Variants in CAND1 observed in about 807,000 individuals in gnomAD.
The protein encoded by CAND1 is cullin-associated NEDD8-dissociated protein 1.
In CAND1, 7 loss-of-function variants were observed where a neutral mutation model predicts 108.5. The ratio of observed to expected loss-of-function variants is 0.06; its 90% CI spans 0.04 to 0.12. The LOEUF is 0.12. Among genes scored for constraint, CAND1 ranks in the 10% least tolerant of loss-of-function variants. CAND1 has a pLI of 1.00. For synonymous variants in CAND1, 534 were observed against 512.0 expected (o/e 1.04, Z -0.58); for missense variants, 941 against 1,448.7 (o/e 0.65, Z 5.69).
rs764432275 is a variant in CAND1 at position 67,309,957 on chromosome 12, G to A, written c.3082G>A (p.Val1028Ile). Residue 1028 changes from valine to isoleucine, a missense_variant, in exon 12 of 15, where the codon GTC becomes ATC. Coordinates refer to ENST00000545606, the MANE Select transcript of CAND1 (RefSeq NM_018448.5). ...TTTGAATGTGAGAAGAGTAGCCTTG[G>A]TCACATTTAATTCAGCAGCACATAA... ...PDLNVRRVAL[V>I]TFNSAAHNKP... 2 of 1,612,476 alleles carry A rather than the reference G, an allele frequency of 1.2e-6. No homozygotes were observed. The highest frequency in any genetic ancestry group is 1.7e-6 in the Non-Finnish European group (2 of 1,178,884).
intron 2 of CAND1, among the ~76,000 whole-genome samples, chr12:67,288,369 C>T (rs2044692461): frequency 6.6e-6 from 1 of 151,984 alleles, no homozygotes; most frequent in Admixed American, 6.6e-5. Context: ...CTCAAGTAAT[C>T]CACCCACCTC....
chr12:67,312,990 T>A lies in CAND1; in HGVS notation c.*160T>A. Reference sequence around the variant, plus strand: ...TTGTTTGGCTTTCTTCCATTGTTGTTTTTGTAGCATTTATTTCAGAAATGT... The same window carrying A: ...TTGTTTGGCTTTCTTCCATTGTTGTATTTGTAGCATTTATTTCAGAAATGT... On this transcript the variant is annotated 3_prime_UTR_variant, in exon 15 of 15. Coordinates refer to ENST00000545606, the MANE Select transcript of CAND1 (RefSeq NM_018448.5). The A allele has an allele frequency of 1.9e-6, 1 of 537,020 alleles. No individual in the cohort carries two copies. The highest frequency in any genetic ancestry group is 3.3e-6 in the Non-Finnish European group (1 of 305,268). 33.3% of individuals were successfully genotyped at this position (537,020 alleles called of 1,614,324 possible). A position where few individuals can be genotyped will look rare whatever the true frequency, so the allele number is the denominator to read the frequency against.
intron 3 of CAND1, chr12:67,293,176 A>C (rs1207394258): frequency 5.3e-6 from 1 of 189,724 alleles, no homozygotes; most frequent in Non-Finnish European, 1.1e-5. Flanking sequence ...TGTAAAATGT[A>C]ACACCATTCA....
At chr12:67,285,729 T>C (rs1328844935) in intron 2 of CAND1, among the ~76,000 whole-genome samples, 1 of 152,236 alleles carries the variant, frequency 6.6e-6, no homozygotes, top group Non-Finnish European at 1.5e-5. Flanking sequence ...ATTCACGTTT[T>C]ATTTACCATA....
At position 67,269,552 on chromosome 12, in the gene CAND1, G is replaced by A; in HGVS notation, c.-166G>A. The stretch of plus-strand genomic sequence containing the variant: ...AGGCCCACGCCTCGCCAGGGAGGGG[G>A]CAGCCCGTCGAGGCGCCTCCCTAGT... On this transcript the variant is annotated 5_prime_UTR_variant, in exon 1 of 15. Coordinates refer to ENST00000545606, the MANE Select transcript of CAND1 (RefSeq NM_018448.5). 1.7e-6 allele frequency: 1 copy of A among 585,730 alleles called. No individual in the cohort carries two copies. The allele number at this position is 585,730 out of a possible 1,614,324, so 36.3% of individuals were successfully genotyped here.
rs1259301877 is a variant in CAND1 at position 67,304,614 on chromosome 12, A to G, written c.1303A>G (p.Ile435Val). ...LTMLQSQVPNIVKALHKQMKE... is the reference protein window; with the variant it reads ...LTMLQSQVPNVVKALHKQMKE... ...TATATGATAATTGCAGGTTCCCAAC[A>G]TTGTTAAAGCTCTTCACAAACAGAT... The change falls in exon 9 of 15, where the codon ATT (isoleucine) becomes GTT (valine). Residue 435 changes from isoleucine to valine, a missense_variant. Ile to Val is a conservative substitution (Grantham distance 29, BLOSUM62 3). Around this residue, in one of 9 missense-constraint regions of CAND1, gnomAD observed 697 missense variants for 942.0 expected, o/e 0.74. Coordinates refer to ENST00000545606, the MANE Select transcript of CAND1 (RefSeq NM_018448.5). 1.2e-6 allele frequency: 2 copies of G among 1,613,456 alleles called. No individual in the cohort carries two copies. The highest frequency in any genetic ancestry group is 1.7e-6 in the Non-Finnish European group (2 of 1,179,824).
Position 67,297,581 on chromosome 12 carries a change from G to T in CAND1, c.666G>T (p.Leu222Phe). 1 of 1,613,984 alleles carries T rather than the reference G, an allele frequency of 6.2e-7. No homozygotes were observed. The highest frequency in any genetic ancestry group is 1.3e-5 in the African/African-American group (1 of 75,002). ...VDLIEHLLSE[L>F]SKNDSMSTTR... ...TTATTGAACATCTGTTGTCAGAGTTGTCCAAAAATGATTCTATGTCAACAA... is the reference window on the plus strand; with the variant it reads ...TTATTGAACATCTGTTGTCAGAGTTTTCCAAAAATGATTCTATGTCAACAA... Residue 222 changes from leucine (L) to phenylalanine (F), a missense_variant, in exon 5 of 15, where the codon TTG becomes TTT. This residue lies in a region of CAND1 where 697 missense variants were observed against 942.0 expected (regional missense o/e 0.74). Transcript: ENST00000545606.
intron 4 of CAND1, among the ~76,000 whole-genome samples, chr12:67,296,206 G>A (rs1425743411): frequency 2.6e-5 from 4 of 152,072 alleles, no homozygotes; most frequent in Admixed American, 6.6e-5. Context: ...ATTTAATCAC[G>A]AACACTGATT....
At chr12:67,312,399 A>G (rs1019945235) in intron 14 of CAND1, among the ~76,000 whole-genome samples, 3 of 152,100 alleles carry the variant, frequency 2.0e-5, no homozygotes, top group African/African-American at 7.2e-5. Context: ...TTCTGTTTTT[A>G]TAATGGGGCT....
At chr12:67,309,044 G>A (rs2044920882) in intron 11 of CAND1, among the ~76,000 whole-genome samples, 1 of 152,002 alleles carries the variant, frequency 6.6e-6, no homozygotes, top group South Asian at 2.1e-4. Context: ...TGAATACTTA[G>A]TGTGTACTAG....
At chr12:67,287,474 T>C (rs2044682279) in intron 2 of CAND1, among the ~76,000 whole-genome samples, 1 of 152,224 alleles carries the variant, frequency 6.6e-6, no homozygotes, top group Non-Finnish European at 1.5e-5. Context: ...CTTTCAACCA[T>C]GAACCATAGT....
intron 4 of CAND1, 64 bp from the exon 5 acceptor site, chr12:67,297,343 T>G: frequency 1.4e-6 from 2 of 1,444,918 alleles, no homozygotes; most frequent in Non-Finnish European, 1.9e-6. Flanking sequence ...GGCCAGACAT[T>G]TAGTAGTGGC....
rs1565734278 is a variant in CAND1, at chr12:67,318,409, A to C, written c.*5579A>C. 1 of 152,238 alleles carries C rather than the reference A, an allele frequency of 6.6e-6. No individual in the cohort carries two copies. The highest frequency in any genetic ancestry group is 1.5e-5 in the Non-Finnish European group (1 of 68,046). 9.4% of individuals were successfully genotyped at this position (152,238 alleles called of 1,614,324 possible). A position where few individuals can be genotyped will look rare whatever the true frequency, so the allele number is the denominator to read the frequency against. On this transcript the variant is annotated 3_prime_UTR_variant, in exon 15 of 15. Coordinates refer to ENST00000545606, the MANE Select transcript of CAND1 (RefSeq NM_018448.5). The stretch of plus-strand genomic sequence containing the variant: ...TCCCTATCTATAAAATGGGAATTAA[A>C]ATATTTGCACCTTATAGGGTTATTG...
At chr12:67,297,905 A>C in intron 6 of CAND1, 52 bp downstream of exon 6, 1 of 1,018,676 alleles carries the variant, frequency 9.8e-7, no homozygotes, top group South Asian at 1.4e-5. Context: ...TTAAGAGTAG[A>C]ATCATAAGGT....
Position 67,269,483 on chromosome 12 carries a change from C to A in CAND1, c.-235C>A. On this transcript the variant is annotated 5_prime_UTR_variant, in exon 1 of 15. Coordinates refer to ENST00000545606, the MANE Select transcript of CAND1 (RefSeq NM_018448.5). ...CATGAGCTCGTTCTCACGCGAACAG[C>A]GCCGTCGTTAGGCTGGCTCTGTAGC... The A allele has an allele frequency of 1.9e-6, 1 of 521,294 alleles. No individual in the cohort carries two copies. The highest frequency in any genetic ancestry group is 3.3e-6 in the Non-Finnish European group (1 of 299,684). The allele number at this position is 521,294 out of a possible 1,614,324, so 32.3% of individuals were successfully genotyped here.
intron 2 of CAND1, among the ~76,000 whole-genome samples, chr12:67,285,006 A>G (rs1471688470): frequency 1.3e-5 from 2 of 152,232 alleles, no homozygotes; most frequent in East Asian, 3.8e-4. Flanking sequence ...TTTACAAAAA[A>G]TTCAGTGAGG....
intron 2 of CAND1, among the ~76,000 whole-genome samples, chr12:67,285,883 T>C (rs1027593132): frequency 1.3e-5 from 2 of 152,234 alleles, no homozygotes; most frequent in African/African-American, 4.8e-5. Context: ...TAATGATTAG[T>C]AGTCCATTGA....
Position 67,315,477 on chromosome 12 carries a change from A to G in CAND1, c.*2647A>G, listed in dbSNP as rs948772583. ...AAAAAAAAAAAAAAAAAAAGGCAGG[A>G]AGGAAATTTGGTATGGCAGGGCCTA... On this transcript the variant is annotated 3_prime_UTR_variant, in exon 15 of 15. Transcript: ENST00000545606. 1 of 150,492 alleles carries G rather than the reference A, an allele frequency of 6.6e-6. No homozygotes were observed. The highest frequency in any genetic ancestry group is 2.5e-5 in the African/African-American group (1 of 40,580). The allele number at this position is 150,492 out of a possible 1,614,324, so 9.3% of individuals were successfully genotyped here. A position where few individuals can be genotyped will look rare whatever the true frequency, so the allele number is the denominator to read the frequency against.
intron 2 of CAND1, among the ~76,000 whole-genome samples, chr12:67,290,808 G>A (rs1261691734): frequency 6.6e-6 from 1 of 152,118 alleles, no homozygotes; most frequent in African/African-American, 2.4e-5. Flanking sequence ...GGCCTGTTGG[G>A]AACTGGGCTG....
Sources: allele counts gnomAD v4.1 joint callset (sites outside exome capture counted in the v4.1 genomes callset), GRCh38; gene constraint gnomAD v4.1.1; regional missense constraint gnomAD v4.1.1; transcripts MANE v1.5; gene names NCBI Gene and HGNC (gene_info 2026-07-23, HGNC 2026-07-21).